HABP4: variants seen among roughly 807,000 people sequenced by gnomAD.
HABP4 encodes intracellular hyaluronan-binding protein 4.
Under a neutral mutation model 44.1 loss-of-function variants are expected in HABP4, and 32 were observed. The observed-to-expected ratio is 0.73, with a 90% CI of 0.55 to 0.97. The LOEUF (loss-of-function observed/expected upper bound fraction) is 0.97. Among genes scored for constraint, HABP4 ranks in the 50% least tolerant of loss-of-function variants. The pLI is 0.00. For missense variants in HABP4, 503 were observed against 561.9 expected, an observed-to-expected ratio of 0.90 and a Z score of 1.06; for synonymous variants, 216 against 218.0, an observed-to-expected ratio of 0.99 and a Z score of 0.08.
intron 1 of HABP4, among the ~76,000 whole-genome samples, chr9:96,455,761 G>T (rs1013389481): frequency 6.7e-6 from 1 of 149,834 alleles, no homozygotes; most frequent in African/African-American, 2.5e-5. Flanking sequence ...GTGAGACTTG[G>T]TCTAAAAAAA....
chr9:96,481,481 A>G (rs977940855), intron 5 of HABP4, among the ~76,000 whole-genome samples: 1 of 152,020 alleles, frequency 6.6e-6, no homozygotes, highest in Non-Finnish European at 1.5e-5. Context: ...GGTGGTTCAG[A>G]TCTGTAATCC....
In HABP4 at chr9:96,490,071, A is replaced by T. The variant is rs757883164; in HGVS notation, c.*33A>T. 2.2e-6 allele frequency: 3 copies of T among 1,334,930 alleles called. No individual in the cohort carries two copies. The African/African-American group carries it at 4.3e-5, about 19-fold the overall frequency. 82.7% of individuals were successfully genotyped at this position (1,334,930 alleles called of 1,614,324 possible). Reference sequence around the variant, plus strand: ...CTGTTTCCCAGCACCGCGGAGCTGCACTGCACACCTGTGGGGAGACTTTTC... The same window carrying T: ...CTGTTTCCCAGCACCGCGGAGCTGCTCTGCACACCTGTGGGGAGACTTTTC... On this transcript the variant is annotated 3_prime_UTR_variant, in exon 8 of 8. Transcript: ENST00000375249.
At chr9:96,464,904 A>C (rs916191723) in intron 2 of HABP4, among the ~76,000 whole-genome samples, 1 of 152,204 alleles carries the variant, frequency 6.6e-6, no homozygotes, top group African/African-American at 2.4e-5. Flanking sequence ...AATTTAACTT[A>C]AAGATTTGGT....
intron 5 of HABP4, among the ~76,000 whole-genome samples, chr9:96,480,761 T>C (rs994949421): frequency 2.0e-5 from 3 of 152,222 alleles, no homozygotes; most frequent in African/African-American, 7.2e-5. Flanking sequence ...TGTATAAATC[T>C]TAAGTGTACA....
chr9:96,465,706 G>A lies in HABP4; in HGVS notation c.675-4G>A, dbSNP rs528193985. On this transcript the variant is annotated splice_polypyrimidine_tract_variant and splice_region_variant and intron_variant, in intron 3 of 7. Coordinates refer to ENST00000375249, the MANE Select transcript of HABP4 (RefSeq NM_014282.4). ...GTTTAAGGGACTATTCTTTCTTTCC[G>A]TAGAGCAGTCAGAACTGAAGACAAC... The A allele has an allele frequency of 9.5e-6, 15 of 1,584,600 alleles. No individual in the cohort carries two copies. In the East Asian group the frequency reaches 1.1e-4, roughly 12 times the overall value.
At chr9:96,453,176 C>G (rs967785348) in intron 1 of HABP4, among the ~76,000 whole-genome samples, 2 of 149,366 alleles carry the variant, frequency 1.3e-5, no homozygotes, top group Non-Finnish European at 3.0e-5. Flanking sequence ...AAGCGATTCT[C>G]CTGCCTCAGC....
intron 1 of HABP4, among the ~76,000 whole-genome samples, chr9:96,456,821 A>ATATC (rs1476155664): frequency 1.5e-4 from 18 of 123,674 alleles, no homozygotes; most frequent in Non-Finnish European, 2.9e-4. Flanking sequence ...ATATATATAT[A>ATATC]TCCATTAACT....
chr9:96,452,755 G>A lies in HABP4; in HGVS notation c.349+2127G>A, dbSNP rs76426553. 8.1e-3 allele frequency among the ~76,000 whole-genome samples: 1,238 copies of A among 152,156 alleles called. 4 individuals carry two copies. The highest frequency in any genetic ancestry group is 0.012 in the Non-Finnish European group (829 of 67,996). On this transcript the variant is annotated intron_variant, in intron 1 of 7. Coordinates refer to ENST00000375249, the MANE Select transcript of HABP4 (RefSeq NM_014282.4). ...AAGGTTTTGTAACCCTAGTTGATAA[G>A]AAGCACTGTACTTTTCTAACATTCA...
intron 1 of HABP4, among the ~76,000 whole-genome samples, chr9:96,456,535 C>T (rs1832378809): frequency 6.6e-6 from 1 of 151,550 alleles, no homozygotes; most frequent in African/African-American, 2.4e-5. Context: ...CCGAGGTGAG[C>T]AGATCACGAG....
At chr9:96,460,834 C>G (rs1297762288) in intron 2 of HABP4, among the ~76,000 whole-genome samples, 1 of 152,192 alleles carries the variant, frequency 6.6e-6, no homozygotes, top group Admixed American at 6.5e-5. Flanking sequence ...TTTTCACTTT[C>G]AGGGAAATCT....
At chr9:96,466,849 G>A (rs903806639) in intron 4 of HABP4, among the ~76,000 whole-genome samples, 1 of 152,296 alleles carries the variant, frequency 6.6e-6, no homozygotes, top group Non-Finnish European at 1.5e-5. Flanking sequence ...CAGTGCTACA[G>A]GGCAGGCTTC....
intron 5 of HABP4, among the ~76,000 whole-genome samples, chr9:96,477,054 T>G (rs1192608594): frequency 1.3e-5 from 2 of 152,252 alleles, no homozygotes. Context: ...TGTCCTTTTT[T>G]GATCTAGTTC....
chr9:96,477,841 G>A (rs948448618), intron 5 of HABP4, among the ~76,000 whole-genome samples: 14 of 152,226 alleles, frequency 9.2e-5, no homozygotes, highest in South Asian at 4.1e-4. Context: ...GTTTCCTGGC[G>A]TTCCTTTGTA....
intron 2 of HABP4, among the ~76,000 whole-genome samples, chr9:96,464,192 C>T (rs1564161740): frequency 6.6e-6 from 1 of 152,058 alleles, no homozygotes; most frequent in African/African-American, 2.4e-5. Context: ...CCGCGTTGGG[C>T]ATGTGTGTGC....
intron 1 of HABP4, among the ~76,000 whole-genome samples, chr9:96,458,141 G>A (rs1261378770): frequency 6.6e-6 from 1 of 152,126 alleles, no homozygotes; most frequent in African/African-American, 2.4e-5. Context: ...GAGCTTAGTT[G>A]GTCATATACT....
chr9:96,484,659 G>A lies in HABP4; in HGVS notation c.999+26G>A, dbSNP rs1832938678. Reference sequence around the variant, plus strand: ...GTAAGCATTGCATTTCGTATGTAGAGGTAATCTTTACTTTTACCTTACTGG... The same window carrying A: ...GTAAGCATTGCATTTCGTATGTAGAAGTAATCTTTACTTTTACCTTACTGG... On this transcript the variant is annotated intron_variant, in intron 6 of 7. Transcript: ENST00000375249. The A allele has an allele frequency of 2.3e-6, 3 of 1,305,828 alleles. No individual in the cohort carries two copies. The Admixed American group carries it at 5.4e-5, about 23-fold the overall frequency. The allele number at this position is 1,305,828 out of a possible 1,614,324, so 80.9% of individuals were successfully genotyped here.
chr9:96,464,718 A>G (rs770664947), intron 2 of HABP4, among the ~76,000 whole-genome samples: 1 of 152,150 alleles, frequency 6.6e-6, no homozygotes, highest in African/African-American at 2.4e-5. Flanking sequence ...AAAAGTTGCT[A>G]TTGGGCTTAA....
intron 2 of HABP4, among the ~76,000 whole-genome samples, chr9:96,459,776 G>A (rs1342484739): frequency 2.0e-5 from 3 of 152,174 alleles, no homozygotes; most frequent in Admixed American, 6.5e-5. Flanking sequence ...CCAGCAGAGA[G>A]TAACTTAGCC....
chr9:96,456,529 G>A (rs1046659337), intron 1 of HABP4, among the ~76,000 whole-genome samples: 1 of 151,752 alleles, frequency 6.6e-6, no homozygotes, highest in Non-Finnish European at 1.5e-5. Context: ...GGGAGGCCGA[G>A]GTGAGCAGAT....
Sources: allele counts gnomAD v4.1 joint callset (sites outside exome capture counted in the v4.1 genomes callset), GRCh38; gene constraint gnomAD v4.1.1; transcripts MANE v1.5; gene names NCBI Gene and HGNC (gene_info 2026-07-23, HGNC 2026-07-21).